Variants in TTN observed in about 807,000 individuals in gnomAD.
The protein encoded by TTN is titin.
TTN carries 1,525 observed loss-of-function variants against 3,223.0 expected under a neutral mutation model. The ratio of observed to expected loss-of-function variants is 0.47; its 90% CI spans 0.45 to 0.49. The LOEUF is 0.49. Among genes scored for constraint, TTN ranks in the 20% least tolerant of loss-of-function variants. The pLI, the probability that TTN is intolerant of heterozygous loss-of-function variation, is 0.00. For synonymous variants in TTN, 14,094 were observed against 15,161.0 expected (o/e 0.93, Z 5.17); for missense variants, 40,786 against 43,424.0 (o/e 0.94, Z 5.40).
Position 178,575,538 on chromosome 2 carries a change from C to T in TTN, c.70594G>A (p.Ala23532Thr). 2 of 1,613,648 alleles carry T rather than the reference C, an allele frequency of 1.2e-6. No homozygotes were observed. The highest frequency in any genetic ancestry group is 4.5e-5 in the East Asian group (2 of 44,840). The change falls in exon 326 of 363, where the codon GCA (alanine) becomes ACA (threonine). Residue 23532 changes from alanine (A) to threonine (T), a missense_variant. Coordinates refer to ENST00000589042, the MANE Select transcript of TTN (RefSeq NM_001267550.2). The surrounding 1 kb of genome is among the most constrained non-coding windows in gnomAD (Gnocchi z 4.0). ...ETTEPVKASE[A>T]PSPPDSLNIM... is the part of the protein sequence containing the mutation. ...TTAAGGCTGTCTGGTGGAGATGGTG[C>T]TTCAGAGGCTTTTACGGGCTCTGTA...
At chr2:178,747,540 G>C (rs2084017526) in intron 47 of TTN, 1 of 1,613,166 alleles carries the variant, frequency 6.2e-7, no homozygotes, top group Non-Finnish European at 8.5e-7. Flanking sequence ...TCCTGTTTCT[G>C]GTTGTAGTAT....
rs2154190178 is a variant in TTN, at chr2:178,598,059, C to T, written c.57112-1G>A. On this transcript the variant is annotated splice_acceptor_variant, in intron 292 of 362. Transcript: ENST00000589042. LOFTEE classifies it high-confidence loss of function. ...TTCCTCTCACTTCTTTATCTTTACC[C>T]TGGGGAGAAATCATAGACATTTTAT... is the stretch of plus-strand genomic sequence containing the variant. 6.2e-7 allele frequency: 1 copy of T among 1,610,712 alleles called. No homozygotes were observed. The highest frequency in any genetic ancestry group is 1.7e-5 in the Admixed American group (1 of 59,578).
chr2:178,779,168 T>C (rs779980270), intron 23 of TTN, 50 bp from the exon 24 acceptor site: 5 of 1,612,734 alleles, frequency 3.1e-6, no homozygotes, highest in Non-Finnish European at 3.4e-6. Context: ...CAAATAGTTA[T>C]ATTTTAACCA....
chr2:178,701,204 C>T lies in TTN; in HGVS notation c.30599-1G>A, dbSNP rs1338491963. The T allele has an allele frequency of 5.6e-6, 9 of 1,604,154 alleles. No individual in the cohort carries two copies. The highest frequency in any genetic ancestry group is 7.6e-6 in the Non-Finnish European group (9 of 1,177,116). On this transcript the variant is annotated splice_acceptor_variant, in intron 110 of 362. Coordinates refer to ENST00000589042, the MANE Select transcript of TTN (RefSeq NM_001267550.2). LOFTEE classifies it high-confidence loss of function. The stretch of plus-strand genomic sequence containing the variant: ...GGAGGAGCAACCACAGGAGGGATTT[C>T]TGAAGAAAATAAATGCCGTTAGTAA...
chr2:178,794,383 G>A lies in TTN; in HGVS notation c.1398+16C>T, dbSNP rs144043280. The A allele has an allele frequency of 2.4e-3, 3,919 of 1,613,852 alleles. 59 individuals are homozygous for A. The highest frequency in any genetic ancestry group is 0.022 in the South Asian group (2,036 of 91,086). ...GACGTGGCTCTGCGGGTGCCCCATG[G>A]CAGCCTCGCACGTACCTGTTCTTGA... On this transcript the variant is annotated intron_variant, in intron 8 of 362. Transcript: ENST00000589042.
In TTN at chr2:178,576,856, A is replaced by G. The variant is rs759279452; in HGVS notation, c.69413-25T>C. ...CCTGAAAAGGAAGCAAATTTATTAG[A>G]AATCCATGATTTCCTAAACTCTGCT... On this transcript the variant is annotated intron_variant, in intron 324 of 362. Coordinates refer to ENST00000589042, the MANE Select transcript of TTN (RefSeq NM_001267550.2). The surrounding 1 kb of genome is among the most constrained non-coding windows in gnomAD (Gnocchi z 4.3). The G allele has an allele frequency of 6.2e-7, 1 of 1,602,652 alleles. No individual in the cohort carries two copies. The highest frequency in any genetic ancestry group is 8.5e-7 in the Non-Finnish European group (1 of 1,176,876).
Position 178,731,109 on chromosome 2 carries a change from A to G in TTN, c.17556T>C (p.Ile5852=), listed in dbSNP as rs370776424. The change falls in exon 60 of 363, where the codon ATT becomes ATC. Residue 5852 remains isoleucine (I), a synonymous_variant. Transcript: ENST00000589042. Reference sequence around the variant, plus strand: ...GGCCATCTTTAAACCATTTGGCTGTAATCTCCTTAGTCCCTGAAAATTTAA... The same window carrying G: ...GGCCATCTTTAAACCATTTGGCTGTGATCTCCTTAGTCCCTGAAAATTTAA... ...LQVKFSGTKE[I]TAKWFKDGQE... is the part of the protein sequence containing the mutation. 62 of 1,613,596 alleles carry G rather than the reference A, an allele frequency of 3.8e-5. No homozygotes were observed. The highest frequency in any genetic ancestry group is 5.2e-5 in the Non-Finnish European group (61 of 1,179,734).
At position 178,612,906 on chromosome 2, in the gene TTN, A is replaced by T. The variant is rs2056608761; in HGVS notation, c.49815T>A (p.Val16605=). The change falls in exon 265 of 363, where the codon GTT becomes GTA. Residue 16605 remains valine (V), a synonymous_variant. Coordinates refer to ENST00000589042, the MANE Select transcript of TTN (RefSeq NM_001267550.2). ...TDEWVRVAEG[V]PTTQHLLPGL... is the part of the protein sequence containing the mutation. ...CTGGGAGCAAGTGCTGAGTGGTGGG[A>T]ACCCCTTCCGCCACTCTGACCCACT... 6.2e-7 allele frequency: 1 copy of T among 1,612,536 alleles called. No individual in the cohort carries two copies. Among genetic ancestry groups the T allele is most frequent in the Non-Finnish European group, 8.5e-7 (1 of 1,179,232 alleles).
chr2:178,766,236 T>G (rs932338556), intron 41 of TTN, 145 bp downstream of exon 41: 9 of 705,164 alleles, frequency 1.3e-5, no homozygotes, highest in Non-Finnish European at 2.2e-5. Flanking sequence ...TCCATAGATA[T>G]AATGTGAAAA....
At chr2:178,756,178 G>T (rs761772068) in intron 46 of TTN, 44 bp downstream of exon 46, 32 of 1,394,754 alleles carry the variant, frequency 2.3e-5, no homozygotes, top group Non-Finnish European at 3.1e-5. Flanking sequence ...TGCATAAAGC[G>T]ATGAGGATGA....
rs1270519567 is a variant in TTN at position 178,608,092 on chromosome 2, T to C, written c.52706-11A>G. The stretch of plus-strand genomic sequence containing the variant: ...GTGGCCCAGGAGGAGCTAGAATGAA[T>C]GAAGATAGACAAATCAAACTCCCTG... On this transcript the variant is annotated splice_polypyrimidine_tract_variant and intron_variant, in intron 275 of 362. Transcript: ENST00000589042. 6.2e-7 allele frequency: 1 copy of C among 1,610,680 alleles called. No individual in the cohort carries two copies. Among genetic ancestry groups the C allele is most frequent in the Non-Finnish European group, 8.5e-7 (1 of 1,178,290 alleles).
In TTN at chr2:178,677,200, C is replaced by T; in HGVS notation, c.34378+1G>A. 8.2e-7 allele frequency: 1 copy of T among 1,224,316 alleles called. No homozygotes were observed. The highest frequency in any genetic ancestry group is 1.0e-6 in the Non-Finnish European group (1 of 983,350). The allele number at this position is 1,224,316 out of a possible 1,614,324, so 75.8% of individuals were successfully genotyped here. A position where few individuals can be genotyped will look rare whatever the true frequency, so the allele number is the denominator to read the frequency against. ...TGTGTATTCACTTTGGGGAGGTGTA[C>T]CTTTGGGTGGTGGTGGAGGTTCCAC... On this transcript the variant is annotated splice_donor_variant, in intron 147 of 362. Transcript: ENST00000589042. LOFTEE classifies it high-confidence loss of function.
chr2:178,770,727 A>G (rs761324737), intron 34 of TTN, 52 bp from the exon 35 acceptor site: 25 of 1,590,128 alleles, frequency 1.6e-5, no homozygotes, highest in Non-Finnish European at 2.1e-5. Context: ...ATCATCAAGG[A>G]AAAGAAGTCC....
Position 178,585,270 on chromosome 2 carries a change from C to T in TTN, c.64474G>A (p.Gly21492Arg). 6.2e-7 allele frequency: 1 copy of T among 1,613,206 alleles called. No homozygotes were observed. The highest frequency in any genetic ancestry group is 8.5e-7 in the Non-Finnish European group (1 of 1,179,394). Residue 21492 changes from glycine (G) to arginine (R), a missense_variant, in exon 309 of 363, where the codon GGA becomes AGA. Physicochemically the swap from Gly to Arg is moderately radical, Grantham distance 125. Coordinates refer to ENST00000589042, the MANE Select transcript of TTN (RefSeq NM_001267550.2). ...CATTTACAGGTGGGATGAGGCTTTC[C>T]ATACACATGGGCTTCAATTCGGAGT... ...KKLRIEAHVY[G>R]KPHPTCKWKK... is the part of the protein sequence containing the mutation.
chr2:178,630,661 C>T (rs1354412900), intron 238 of TTN, 143 bp downstream of exon 238: 1 of 1,276,562 alleles, frequency 7.8e-7, no homozygotes, highest in African/African-American at 1.5e-5. Context: ...CATTCATAGA[C>T]CCTGACATCT....
rs794729262 is a variant in TTN at position 178,614,297 on chromosome 2, G to T, written c.49100C>A (p.Ser16367Ter). ...AFDITDVTNE[S>*]CLLTWNPPRD... is the part of the protein sequence containing the mutation. ...TGGTGGGTTCCATGTTAGAAGACAT[G>T]ACTCATTGGTTACATCTGTGATGTC... is the stretch of plus-strand genomic sequence containing the variant. The change falls in exon 262 of 363, where the codon TCA becomes TAA. Residue 16367 changes from serine to a stop codon, truncating the protein, a stop_gained. Transcript: ENST00000589042. LOFTEE classifies it high-confidence loss of function. 1 of 1,612,702 alleles carries T rather than the reference G, an allele frequency of 6.2e-7. No individual in the cohort carries two copies. The highest frequency in any genetic ancestry group is 1.1e-5 in the South Asian group (1 of 91,038).
chr2:178,740,159 C>T lies in TTN; in HGVS notation c.13074G>A (p.Glu4358=). 1 of 1,613,778 alleles carries T rather than the reference C, an allele frequency of 6.2e-7. No homozygotes were observed. Among genetic ancestry groups the T allele is most frequent in the Non-Finnish European group, 8.5e-7 (1 of 1,179,814 alleles). Residue 4358 remains glutamate (E), a synonymous_variant, in exon 48 of 363, where the codon GAG becomes GAA. Transcript: ENST00000589042. Reference sequence around the variant, plus strand: ...TTATTGCCACGGGCTCTCTTTTAGACTCAATGATTTGGTCTGGGGGCATCA... The same window carrying T: ...TTATTGCCACGGGCTCTCTTTTAGATTCAATGATTTGGTCTGGGGGCATCA... ...NVVMPPDQII[E]SKREPVAIKK...
chr2:178,560,432 A>G lies in TTN; in HGVS notation c.85700T>C (p.Met28567Thr). The change falls in exon 326 of 363, where the codon ATG becomes ACG. Residue 28567 changes from methionine to threonine, a missense_variant. By Grantham distance (81) the Met-to-Thr change is moderately conservative. Transcript: ENST00000589042. ...CTCGGGTCTTGACCAGCAAAGTGTC[A>G]TAGATTCTTTGGTCACAGAAGTAAT... ...LEITSVTKES[M>T]TLCWSRPESD... 1.2e-6 allele frequency: 2 copies of G among 1,613,646 alleles called. No homozygotes were observed. The highest frequency in any genetic ancestry group is 1.1e-5 in the South Asian group (1 of 91,058).
chr2:178,773,806 T>A (rs2091874334), intron 31 of TTN, 32 bp downstream of exon 31: 2 of 1,613,888 alleles, frequency 1.2e-6, no homozygotes, highest in African/African-American at 2.7e-5. Flanking sequence ...TGCTTAATAG[T>A]GTAAACATAA....
Sources: gnomAD v4.1 joint callset for allele counts on GRCh38, gnomAD v4.1.1 for gene constraint, Gnocchi (gnomAD v3.1) non-coding constraint, MANE v1.5 for transcripts, NCBI Gene and HGNC (gene_info 2026-07-23, HGNC 2026-07-21) for gene names.